The following TTLL3 variants were observed in gnomAD, a reference collection of about 807,000 sequenced individuals.
The protein encoded by TTLL3 is tubulin monoglycylase TTLL3.
Under a neutral mutation model 75.2 loss-of-function variants are expected in TTLL3, and 63 were observed. The observed-to-expected ratio is 0.84, with a 90% CI of 0.68 to 1.03. The LOEUF is 1.03. Among genes scored for constraint, TTLL3 ranks in the 50% least tolerant of loss-of-function variants. The probability of loss-of-function intolerance (pLI) is 0.00; values close to 1 mark genes in which losing one functional copy is unlikely to be tolerated. For missense variants in TTLL3, 997 were observed against 1,069.9 expected, an observed-to-expected ratio of 0.93 and a Z score of 0.95; for synonymous variants, 393 against 418.5, an observed-to-expected ratio of 0.94 and a Z score of 0.74.
At chr3:9,814,724 G>C (rs2079668217) in intron 4 of TTLL3, among the ~76,000 whole-genome samples, 1 of 152,082 alleles carries the variant, frequency 6.6e-6, no homozygotes, top group Non-Finnish European at 1.5e-5. Context: ...GGGAGGCTGA[G>C]GTGTGAGAAT....
intron 10 of TTLL3, chr3:9,828,301 C>T (rs547599475): frequency 6.6e-6 from 1 of 152,274 alleles, no homozygotes; most frequent in Non-Finnish European, 1.5e-5. Context: ...CCAATTCTGT[C>T]TCTGCAGCTT....
upstream of TTLL3, chr3:9,809,976 G>GCCCTGGGAGGGCGGGCGCGGGATCAGGGA: frequency 2.3e-6 from 3 of 1,303,238 alleles, no homozygotes; most frequent in Non-Finnish European, 2.9e-6. Context: ...GGGATCAGGG[G>GCCCTGGGAGGGCGGGCGCGGGATCAGGGA]CCCTGGGAGG....
chr3:9,834,106 CTG>C (rs2081854917), intron 12 of TTLL3: 1 of 252,342 alleles, frequency 4.0e-6, no homozygotes, highest in Non-Finnish European at 7.5e-6. Context: ...GAGCAAAACT[CTG>C]TCTCAAAAAA....
intron 7 of TTLL3, 107 bp from the exon 8 acceptor site, chr3:9,820,439 G>A (rs1432668924): frequency 9.0e-6 from 14 of 1,554,394 alleles, no homozygotes; most frequent in Middle Eastern, 1.8e-4. Flanking sequence ...ATCTAGGTTC[G>A]TGCTGGGCCT....
At chr3:9,831,096 A>T (rs9835131) in intron 11 of TTLL3, among the ~76,000 whole-genome samples, 2 of 151,720 alleles carry the variant, frequency 1.3e-5, no homozygotes, top group African/African-American at 4.8e-5. Context: ...CCACCGCGCC[A>T]AGCCCTCTAA....
At chr3:9,820,409 C>T in intron 7 of TTLL3, 137 bp from the exon 8 acceptor site, 1 of 1,523,208 alleles carries the variant, frequency 6.6e-7, no homozygotes, top group African/African-American at 1.4e-5. Context: ...AGTGACACAT[C>T]CCAGGGCAGT....
chr3:9,813,203 G>C, intron 3 of TTLL3, 45 bp from the exon 4 acceptor site: 1 of 1,614,014 alleles, frequency 6.2e-7, no homozygotes, highest in Non-Finnish European at 8.5e-7. Context: ...ATGGGCTATG[G>C]GTCAGGGAGA....
rs2290303 is a variant in TTLL3 at position 9,829,173 on chromosome 3, G to A, written c.1461G>A (p.Gln487=). The change falls in exon 11 of 14, where the codon CAG becomes CAA. Residue 487 remains glutamine, a synonymous_variant. Coordinates refer to ENST00000685419, the MANE Select transcript of TTLL3 (RefSeq NM_001387446.1). The part of the protein sequence containing the change: ...HALQTSQDTV[Q]CRKASFELYG... The stretch of plus-strand genomic sequence containing the variant: ...TTCAGACCTCCCAGGACACCGTGCA[G>A]TGTCGGAAGGCCAGCTTTGAGCTCT... 749,806 of 1,613,950 alleles carry A rather than the reference G, an allele frequency of 0.46. 183,855 individuals are homozygous for A. The highest frequency in any genetic ancestry group is 0.51 in the Non-Finnish European group (601,599 of 1,179,908).
upstream of TTLL3, chr3:9,810,136 G>A (rs989365139): frequency 4.8e-6 from 7 of 1,472,658 alleles, no homozygotes; most frequent in Non-Finnish European, 6.3e-6. This position sits in a 1 kb window ranked among gnomAD's most constrained non-coding sequence, Gnocchi z 4.4. Flanking sequence ...GCAGCCGCTC[G>A]AGCCACGCAC....
intron 9 of TTLL3, among the ~76,000 whole-genome samples, chr3:9,826,273 A>G (rs1295973857): frequency 6.6e-6 from 1 of 152,222 alleles, no homozygotes; most frequent in Non-Finnish European, 1.5e-5. Context: ...AGGCTTTCAC[A>G]TGATCCAGAA....
intron 6 of TTLL3, chr3:9,818,516 C>T: frequency 9.6e-6 from 4 of 417,798 alleles, no homozygotes; most frequent in Non-Finnish European, 1.4e-5. Flanking sequence ...CTACAGGCGC[C>T]CGCCATCACG....
At position 9,810,617 on chromosome 3, in the gene TTLL3, G is replaced by A; in HGVS notation, c.-41-4G>A. ...CCCCGCCCCTATTCCGCATCTTTCTGCAGGTTTCCCGGTCCTCTGGCGAGG... is the reference window on the plus strand; with the variant it reads ...CCCCGCCCCTATTCCGCATCTTTCTACAGGTTTCCCGGTCCTCTGGCGAGG... On this transcript the variant is annotated splice_polypyrimidine_tract_variant and splice_region_variant and intron_variant, in intron 1 of 13. Coordinates refer to ENST00000685419, the MANE Select transcript of TTLL3 (RefSeq NM_001387446.1). This position sits in a 1 kb window ranked among gnomAD's most constrained non-coding sequence, Gnocchi z 4.4. 6.4e-7 allele frequency: 1 copy of A among 1,560,924 alleles called. No homozygotes were observed.
At chr3:9,816,296 G>C in intron 5 of TTLL3, 94 bp downstream of exon 5, 2 of 1,242,956 alleles carry the variant, frequency 1.6e-6, no homozygotes, top group Non-Finnish European at 2.1e-6. Context: ...GTAAGAGGAA[G>C]TTCTCAGGAC....
intron 12 of TTLL3, chr3:9,834,396 C>T: frequency 1.6e-6 from 1 of 621,456 alleles, no homozygotes; most frequent in East Asian, 3.4e-5. Flanking sequence ...ACCAACCTAG[C>T]AAGGTAGGTG....
At chr3:9,810,204 C>T, upstream of TTLL3, 1 of 1,484,388 alleles carries the variant, frequency 6.7e-7, no homozygotes, top group African/African-American at 1.5e-5. The surrounding 1 kb of genome is among the most constrained non-coding windows in gnomAD (Gnocchi z 4.4). Flanking sequence ...TGCCATGGGC[C>T]GGCCCTGCCT....
intron 11 of TTLL3, among the ~76,000 whole-genome samples, chr3:9,831,786 T>C (rs2081555407): frequency 6.8e-6 from 1 of 146,760 alleles, no homozygotes; most frequent in South Asian, 2.1e-4. Flanking sequence ...GATAGCTACA[T>C]TTTTATTTGA....
chr3:9,821,199 C>G (rs1460292901), intron 8 of TTLL3, among the ~76,000 whole-genome samples: 1 of 152,142 alleles, frequency 6.6e-6, no homozygotes, highest in Non-Finnish European at 1.5e-5. Context: ...CTGCCTCCCA[C>G]CAAGCATCCT....
chr3:9,815,177 C>T (rs950903226), intron 4 of TTLL3, among the ~76,000 whole-genome samples: 7 of 148,990 alleles, frequency 4.7e-5, no homozygotes, highest in Admixed American at 2.7e-4. Flanking sequence ...GGAGACGGAG[C>T]TTGCAGTGAG....
upstream of TTLL3, chr3:9,809,930 CT>C: frequency 5.7e-6 from 1 of 174,110 alleles, no homozygotes; most frequent in Non-Finnish European, 8.8e-6. Context: ...TAGGCAGGAA[CT>C]TCCCGGGAGA....
Sources: gnomAD v4.1 joint callset for allele counts (sites outside exome capture counted in the v4.1 genomes callset) on GRCh38, gnomAD v4.1.1 for gene constraint, Gnocchi (gnomAD v3.1) non-coding constraint, MANE v1.5 for transcripts, NCBI Gene and HGNC (gene_info 2026-07-23, HGNC 2026-07-21) for gene names.